CAMSAP2: variants seen among roughly 807,000 people sequenced by gnomAD.
CAMSAP2 encodes calmodulin regulated spectrin associated protein family member 2.
In CAMSAP2, 26 loss-of-function variants were observed where a neutral mutation model predicts 146.1. That is an observed-to-expected ratio of 0.18 (90% CI 0.13 to 0.25). The LOEUF (loss-of-function observed/expected upper bound fraction) is 0.25, where lower values mean the gene tolerates loss of function less well. Among genes scored for constraint, CAMSAP2 ranks in the 10% least tolerant of loss-of-function variants. The pLI, the probability that CAMSAP2 is intolerant of heterozygous loss-of-function variation, is 1.00. For missense variants in CAMSAP2, 1,381 were observed against 1,759.3 expected, an observed-to-expected ratio of 0.78 and a Z score of 3.85; for synonymous variants, 499 against 596.6, an observed-to-expected ratio of 0.84 and a Z score of 2.38.
At chr1:200,801,651 A>G (rs1489953205) in intron 2 of CAMSAP2, among the ~76,000 whole-genome samples, 2 of 151,910 alleles carry the variant, frequency 1.3e-5, no homozygotes, top group Non-Finnish European at 2.9e-5. Context: ...TTTTTCTCTA[A>G]TCTTGCCTTC....
In CAMSAP2 at chr1:200,849,096, C is replaced by T. The variant is rs1289683059; in HGVS notation, c.2327C>T (p.Thr776Ile). The T allele has an allele frequency of 6.2e-7, 1 of 1,613,916 alleles. No individual in the cohort carries two copies. Among genetic ancestry groups the T allele is most frequent in the East Asian group, 2.2e-5 (1 of 44,878 alleles). ...AQKKKMEAAF[T>I]KQRQKMGRTA... is the part of the protein sequence containing the mutation. ...AAAAAGAAAATGGAAGCTGCTTTTA[C>T]CAAACAGAGACAGAAAATGGGAAGG... The change falls in exon 11 of 17, where the codon ACC becomes ATC. Residue 776 changes from threonine to isoleucine, a missense_variant. Physicochemically the swap from Thr to Ile is moderately conservative, Grantham distance 89. This residue lies in a region of CAMSAP2 where 560 missense variants were observed against 715.9 expected (regional missense o/e 0.78). Transcript: ENST00000358823. The surrounding 1 kb of genome is among the most constrained non-coding windows in gnomAD (Gnocchi z 6.3).
intron 1 of CAMSAP2, among the ~76,000 whole-genome samples, chr1:200,750,941 T>C (rs1446500301): frequency 7.0e-6 from 1 of 142,558 alleles, no homozygotes; most frequent in Non-Finnish European, 1.5e-5. Context: ...TTTTGCTTTG[T>C]CACCAGGCTG....
intron 4 of CAMSAP2, among the ~76,000 whole-genome samples, chr1:200,820,711 G>A (rs1012746474): frequency 3.9e-5 from 6 of 152,114 alleles, no homozygotes; most frequent in African/African-American, 1.2e-4. Flanking sequence ...GAAGGGCTCC[G>A]AAGTAAAATA....
chr1:200,816,772 A>ACG (rs199996252), intron 4 of CAMSAP2, among the ~76,000 whole-genome samples: 1 of 94,722 alleles, frequency 1.1e-5, no homozygotes, highest in Non-Finnish European at 2.4e-5. Flanking sequence ...GTACACACAC[A>ACG]CGCGTGTATA....
At chr1:200,771,760 G>A (rs1665123840) in intron 2 of CAMSAP2, among the ~76,000 whole-genome samples, 1 of 152,168 alleles carries the variant, frequency 6.6e-6, no homozygotes, top group Non-Finnish European at 1.5e-5. Context: ...AGTGATGGAA[G>A]GTGGTTGGAA....
Position 200,849,212 on chromosome 1 carries a change from A to G in CAMSAP2, c.2443A>G (p.Thr815Ala), listed in dbSNP as rs779603427. 35 of 1,613,752 alleles carry G rather than the reference A, an allele frequency of 2.2e-5. No individual in the cohort carries two copies. The highest frequency in any genetic ancestry group is 3.0e-5 in the Non-Finnish European group (35 of 1,180,000). Residue 815 changes from threonine (T) to alanine (A), a missense_variant, in exon 11 of 17, where the codon ACT (threonine) becomes GCT (alanine). By Grantham distance (58) the Thr-to-Ala change is moderately conservative (BLOSUM62 0). Around this residue, in one of 4 missense-constraint regions of CAMSAP2, gnomAD observed 560 missense variants for 715.9 expected, o/e 0.78. Coordinates refer to ENST00000358823, the MANE Select transcript of CAMSAP2 (RefSeq NM_203459.4). The surrounding 1 kb of genome is among the most constrained non-coding windows in gnomAD (Gnocchi z 6.3). ...GGGTGCAGAAGATGAGAAAGTATAT[A>G]CTGATCGAGCAAAAGAAAAGGAATC... ...AAGAEDEKVYTDRAKEKESQK... is the reference protein window; with the variant it reads ...AAGAEDEKVYADRAKEKESQK...
chr1:200,847,177 A>C (rs1667478608), intron 8 of CAMSAP2, 33 bp from the exon 9 acceptor site: 1 of 1,504,216 alleles, frequency 6.6e-7, no homozygotes, highest in African/African-American at 1.4e-5. Context: ...AAACAGCTAA[A>C]ATATAACATT....
rs571993501 is a variant in CAMSAP2, at chr1:200,748,001, A to G, written c.139+8035A>G. On this transcript the variant is annotated intron_variant, in intron 1 of 16. Coordinates refer to ENST00000358823, the MANE Select transcript of CAMSAP2 (RefSeq NM_203459.4). Reference sequence around the variant, plus strand: ...GACTCCGTCTCAAAAAAAAAAAAAAAAAAAGAAAATGGCTGTAGCAGTTCT... The same window carrying G: ...GACTCCGTCTCAAAAAAAAAAAAAAGAAAAGAAAATGGCTGTAGCAGTTCT... 6.2e-3 allele frequency among the ~76,000 whole-genome samples: 940 copies of G among 151,844 alleles called. 8 individuals carry two copies. The highest frequency in any genetic ancestry group is 0.018 in the African/African-American group (742 of 41,410).
chr1:200,842,220 G>C, intron 7 of CAMSAP2, 133 bp downstream of exon 7: 1 of 645,642 alleles, frequency 1.5e-6, no homozygotes, highest in South Asian at 2.0e-5. Context: ...ACACTTGATA[G>C]ATTCTCCTAA....
chr1:200,792,129 T>G (rs1665771653), intron 2 of CAMSAP2, among the ~76,000 whole-genome samples: 1 of 151,842 alleles, frequency 6.6e-6, no homozygotes. Flanking sequence ...ATAGTAAGAT[T>G]AGTACTTCCA....
At chr1:200,846,788 A>G (rs944137894) in intron 8 of CAMSAP2, among the ~76,000 whole-genome samples, 4 of 152,218 alleles carry the variant, frequency 2.6e-5, no homozygotes, top group African/African-American at 7.2e-5. Flanking sequence ...CTTGGCTACC[A>G]GCTGTTGGAG....
chr1:200,803,778 C>T (rs994036205), intron 2 of CAMSAP2, among the ~76,000 whole-genome samples: 2 of 152,022 alleles, frequency 1.3e-5, no homozygotes, highest in African/African-American at 4.8e-5. Flanking sequence ...TCCCAATTTT[C>T]GAAGTAAACT....
chr1:200,817,724 T>G (rs1340420565), intron 4 of CAMSAP2, among the ~76,000 whole-genome samples: 1 of 152,262 alleles, frequency 6.6e-6, no homozygotes, highest in African/African-American at 2.4e-5. Flanking sequence ...AAAAATCTTG[T>G]GGAGGACCAC....
chr1:200,774,166 G>A (rs1665200806), intron 2 of CAMSAP2, among the ~76,000 whole-genome samples: 1 of 152,158 alleles, frequency 6.6e-6, no homozygotes, highest in Non-Finnish European at 1.5e-5. Flanking sequence ...GGTTATAGCA[G>A]TGAAGCAGAT....
intron 1 of CAMSAP2, among the ~76,000 whole-genome samples, chr1:200,746,353 A>G (rs1216351351): frequency 6.6e-6 from 1 of 152,118 alleles, no homozygotes; most frequent in East Asian, 1.9e-4. Flanking sequence ...TTGGTGATTG[A>G]TTGGATATGT....
chr1:200,785,428 G>T (rs1665558783), intron 2 of CAMSAP2, among the ~76,000 whole-genome samples: 1 of 139,688 alleles, frequency 7.2e-6, no homozygotes, highest in Non-Finnish European at 1.5e-5. Flanking sequence ...CTCACTCTGT[G>T]CCCAGGCTGG....
At chr1:200,768,548 T>A (rs1243271792) in intron 2 of CAMSAP2, among the ~76,000 whole-genome samples, 1 of 152,136 alleles carries the variant, frequency 6.6e-6, no homozygotes, top group East Asian at 1.9e-4. Context: ...CACTGTGGTG[T>A]ATTGTAGAAG....
intron 2 of CAMSAP2, among the ~76,000 whole-genome samples, chr1:200,784,862 A>G (rs1665540505): frequency 6.6e-6 from 1 of 152,166 alleles, no homozygotes; most frequent in Non-Finnish European, 1.5e-5. Context: ...GTTAAATGTG[A>G]TATTATCTGT....
chr1:200,779,618 AG>A (rs1665377501), intron 2 of CAMSAP2, among the ~76,000 whole-genome samples: 1 of 152,248 alleles, frequency 6.6e-6, no homozygotes, highest in Non-Finnish European at 1.5e-5. Flanking sequence ...TAGAACTGTT[AG>A]AAGACAAATA....
Sources: allele counts gnomAD v4.1 joint callset (sites outside exome capture counted in the v4.1 genomes callset), GRCh38; gene constraint gnomAD v4.1.1; regional missense constraint gnomAD v4.1.1; non-coding constraint Gnocchi (gnomAD v3.1); transcripts MANE v1.5; gene names NCBI Gene and HGNC (gene_info 2026-07-23, HGNC 2026-07-21).